Variants in APC2 observed in about 807,000 individuals in gnomAD.
APC2 encodes APC regulator of Wnt signaling pathway 2, also known as adenomatous polyposis coli protein 2.
APC2 carries 41 observed loss-of-function variants against 72.5 expected under a neutral mutation model. That is an observed-to-expected ratio of 0.57 (90% confidence interval 0.44 to 0.73). The LOEUF (loss-of-function observed/expected upper bound fraction) is 0.73. Among genes scored for constraint, APC2 ranks in the 30% least tolerant of loss-of-function variants. APC2 has a pLI of 0.00. For synonymous variants in APC2, 1,898 were observed against 1,612.0 expected (o/e 1.18, Z -4.25); for missense variants, 3,729 against 3,403.4 (o/e 1.10, Z -2.38).
Position 1,462,213 on chromosome 19 carries a change from T to C in APC2, c.1853+36T>C, listed in dbSNP as rs577586062. On this transcript the variant is annotated intron_variant, in intron 14 of 14. Transcript: ENST00000590469. Reference sequence around the variant, plus strand: ...ACCCCCCCACCCGCACACAGGCAGCTGCGCTCGGGGCGGGCACAGGGCTGG... The same window carrying C: ...ACCCCCCCACCCGCACACAGGCAGCCGCGCTCGGGGCGGGCACAGGGCTGG... 4.0e-5 allele frequency: 60 copies of C among 1,493,378 alleles called. No individual in the cohort carries two copies. The African/African-American group carries it at 8.2e-4, about 20-fold the overall frequency. 92.5% of individuals were successfully genotyped at this position (1,493,378 alleles called of 1,614,324 possible). A position where few individuals can be genotyped will look rare whatever the true frequency, so the allele number is the denominator to read the frequency against.
intron 3 of APC2, 24 bp from the exon 4 acceptor site, chr19:1,453,407 T>G (rs2083769934): frequency 6.2e-7 from 1 of 1,607,014 alleles, no homozygotes; most frequent in Non-Finnish European, 8.5e-7. Flanking sequence ...GCCGCTGACC[T>G]CCGCCCTGTC....
At position 1,468,724 on chromosome 19, in the gene APC2, C is replaced by G; in HGVS notation, c.5423C>G (p.Thr1808Ser). 2.0e-6 allele frequency: 3 copies of G among 1,504,430 alleles called. 1 individual carries two copies. The South Asian group carries it at 3.7e-5, about 19-fold the overall frequency. The allele number at this position is 1,504,430 out of a possible 1,614,324, so 93.2% of individuals were successfully genotyped here. The change falls in exon 15 of 15, where the codon ACC (threonine) becomes AGC (serine). Residue 1808 changes from threonine to serine, a missense_variant. Coordinates refer to ENST00000590469, the MANE Select transcript of APC2 (RefSeq NM_005883.3). The part of the protein sequence containing the change: ...SPAPRAQPKG[T>S]PGPRATPRKV... ...GCACCCCGTGCCCAGCCCAAAGGGA[C>G]CCCCGGCCCCCGCGCCACACCGCGG... is the stretch of plus-strand genomic sequence containing the variant.
chr19:1,446,517 C>T (rs2083688829), upstream of APC2, among the ~76,000 whole-genome samples: 1 of 151,996 alleles, frequency 6.6e-6, no homozygotes, highest in Non-Finnish European at 1.5e-5. This position sits in a 1 kb window ranked among gnomAD's most constrained non-coding sequence, Gnocchi z 6.1. Context: ...GGGAAACCGC[C>T]TCGGAAGGCT....
rs775563782 is a variant in APC2 at position 1,455,174 on chromosome 19, A to G, written c.439A>G (p.Lys147Glu). 1.5e-5 allele frequency: 24 copies of G among 1,576,412 alleles called. No individual in the cohort carries two copies. The highest frequency in any genetic ancestry group is 4.7e-5 in the East Asian group (2 of 42,528). Residue 147 changes from lysine (K) to glutamate (E), a missense_variant, in exon 5 of 15, where the codon AAG becomes GAG. Physicochemically the swap from Lys to Glu is moderately conservative, Grantham distance 56. Transcript: ENST00000590469. ...ERCFLLNEIEKEEKEKLWYYS... is the reference protein window; with the variant it reads ...ERCFLLNEIEEEEKEKLWYYS... Reference sequence around the variant, plus strand: ...GTGTTTCCTGCTGAATGAGATTGAGAAGGAGGAGAAGGAGAAGCTCTGGTA... The same window carrying G: ...GTGTTTCCTGCTGAATGAGATTGAGGAGGAGGAGAAGGAGAAGCTCTGGTA...
chr19:1,462,777 T>TG (rs2083948209), intron 14 of APC2, among the ~76,000 whole-genome samples: 1 of 140,706 alleles, frequency 7.1e-6, no homozygotes, highest in Non-Finnish European at 1.5e-5. Context: ...GAGACCATCC[T>TG]GCCTAACACG....
chr19:1,469,925 C>G lies in APC2; in HGVS notation c.6624C>G (p.Ser2208Arg). 6.6e-7 allele frequency: 1 copy of G among 1,518,668 alleles called. No individual in the cohort carries two copies. The highest frequency in any genetic ancestry group is 8.8e-7 in the Non-Finnish European group (1 of 1,139,560). 94.1% of individuals were successfully genotyped at this position (1,518,668 alleles called of 1,614,324 possible). Residue 2208 changes from serine to arginine, a missense_variant, in exon 15 of 15, where the codon AGC becomes AGG. Ser to Arg is a moderately radical substitution (Grantham distance 110). Coordinates refer to ENST00000590469, the MANE Select transcript of APC2 (RefSeq NM_005883.3). ...APKTNSSTSP[S>R]LETREPPGAP... Reference sequence around the variant, plus strand: ...AGACCAACTCCAGCACGTCCCCGAGCCTGGAGACCAGGGAGCCCCCCGGGG... The same window carrying G: ...AGACCAACTCCAGCACGTCCCCGAGGCTGGAGACCAGGGAGCCCCCCGGGG...
At chr19:1,455,115 C>T in intron 4 of APC2, 34 bp from the exon 5 acceptor site, 1 of 1,436,246 alleles carries the variant, frequency 7.0e-7, no homozygotes, top group Non-Finnish European at 9.4e-7. Context: ...ACGGCGCCGC[C>T]CTCTGAGCCC....
chr19:1,465,367 C>T lies in APC2; in HGVS notation c.2066C>T (p.Ala689Val), dbSNP rs2145229790. ...KHKMIAMGSA[A>V]ALRNLLAHRP... ...AAGATGATCGCCATGGGCAGCGCCG[C>T]CGCCCTGCGCAACCTGCTGGCCCAT... The change falls in exon 15 of 15, where the codon GCC (alanine) becomes GTC (valine). Residue 689 changes from alanine (A) to valine (V), a missense_variant. By Grantham distance (64) the Ala-to-Val change is moderately conservative (BLOSUM62 0). Coordinates refer to ENST00000590469, the MANE Select transcript of APC2 (RefSeq NM_005883.3). The T allele has an allele frequency of 2.5e-6, 4 of 1,582,816 alleles. No homozygotes were observed. In the East Asian group the frequency reaches 9.1e-5, roughly 36 times the overall value.
chr19:1,469,623 G>A lies in APC2; in HGVS notation c.6322G>A (p.Ala2108Thr), dbSNP rs1392431868. 3 of 1,229,590 alleles carry A rather than the reference G, an allele frequency of 2.4e-6. No homozygotes were observed. Among genetic ancestry groups the A allele is most frequent in the African/African-American group, 3.2e-5 (2 of 62,344 alleles). 76.2% of individuals were successfully genotyped at this position (1,229,590 alleles called of 1,614,324 possible). ...RYASLPHISV[A>T]RRPDGAVPAA... is the part of the protein sequence containing the mutation. ...CGCGTCGCTGCCGCACATCAGCGTG[G>A]CCCGCAGGCCCGACGGCGCCGTCCC... The change falls in exon 15 of 15, where the codon GCC becomes ACC. Residue 2108 changes from alanine (A) to threonine (T), a missense_variant. Coordinates refer to ENST00000590469, the MANE Select transcript of APC2 (RefSeq NM_005883.3).
At chr19:1,446,780 TGGGCGC>T (rs1383572094), upstream of APC2, among the ~76,000 whole-genome samples, 38 of 152,034 alleles carry the variant, frequency 2.5e-4, 1 homozygote, top group Non-Finnish European at 4.3e-4. The surrounding 1 kb of genome is among the most constrained non-coding windows in gnomAD (Gnocchi z 6.1). Context: ...TTTCCCCTTC[TGGGCGC>T]GAGCGTATGG....
chr19:1,468,816 C>A lies in APC2; in HGVS notation c.5515C>A (p.Arg1839=). 6.5e-7 allele frequency: 1 copy of A among 1,540,130 alleles called. No homozygotes were observed. The highest frequency in any genetic ancestry group is 8.7e-7 in the Non-Finnish European group (1 of 1,147,544). The part of the protein sequence containing the change: ...PAKVPSPGQQ[R]SRSLHRPAKT... ...CAAAGTCCCGAGCCCCGGGCAGCAG[C>A]GGTCGCGGAGCCTACACCGGCCTGC... Residue 1839 remains arginine, a synonymous_variant, in exon 15 of 15, where the codon CGG becomes AGG. Coordinates refer to ENST00000590469, the MANE Select transcript of APC2 (RefSeq NM_005883.3).
rs774719404 is a variant in APC2, at chr19:1,468,597, C to T, written c.5296C>T (p.Arg1766Cys). 3.4e-5 allele frequency: 55 copies of T among 1,600,420 alleles called. No individual in the cohort carries two copies. In the South Asian group the frequency reaches 6.0e-4, roughly 17 times the overall value. ...AASVKTSGSPRSPAGPEKPRG... is the reference protein window; with the variant it reads ...AASVKTSGSPCSPAGPEKPRG... ...CTCAGTCAAGACCAGCGGGAGCCCC[C>T]GTTCCCCTGCAGGCCCCGAGAAGCC... The change falls in exon 15 of 15, where the codon CGT (arginine) becomes TGT (cysteine). Residue 1766 changes from arginine to cysteine, a missense_variant. Arg to Cys is a radical substitution (Grantham distance 180). Transcript: ENST00000590469.
Position 1,469,481 on chromosome 19 carries a change from G to GC in APC2, c.6186dup (p.Ala2063ArgfsTer90). On this transcript the variant is annotated frameshift_variant, in exon 15 of 15. Coordinates refer to ENST00000590469, the MANE Select transcript of APC2 (RefSeq NM_005883.3). LOFTEE classifies it low-confidence loss of function (END_TRUNC). ...AGGGCCCGGCCCCGGCCCGGCAGCGGCCCCCCGCGGCCCGACCCAGCCCTG... is the reference window on the plus strand; with the variant it reads ...AGGGCCCGGCCCCGGCCCGGCAGCGGCCCCCCCGCGGCCCGACCCAGCCCTG... 6 of 1,101,876 alleles carry GC rather than the reference G, an allele frequency of 5.4e-6. No individual in the cohort carries two copies. The South Asian group carries it at 1.1e-4, about 20-fold the overall frequency. 68.3% of individuals were successfully genotyped at this position (1,101,876 alleles called of 1,614,324 possible).
rs751535159 is a variant in APC2, at chr19:1,457,984, G to A, written c.1227G>A (p.Pro409=). 2.4e-5 allele frequency: 37 copies of A among 1,558,112 alleles called. No individual in the cohort carries two copies. Among genetic ancestry groups the A allele is most frequent in the Non-Finnish European group, 2.9e-5 (33 of 1,151,642 alleles). Residue 409 remains proline, a synonymous_variant, in exon 10 of 15, where the codon CCG becomes CCA. Transcript: ENST00000590469. ...CCACAGCCCCGATCCCCATCGAGCCGCAGATCTGCCAGGCCACCTGTGCTG... is the reference window on the plus strand; with the variant it reads ...CCACAGCCCCGATCCCCATCGAGCCACAGATCTGCCAGGCCACCTGTGCTG... ...GAGSAPIPIE[P]QICQATCAVM...
intron 10 of APC2, among the ~76,000 whole-genome samples, chr19:1,459,463 A>G (rs1568172153): frequency 6.6e-6 from 1 of 152,148 alleles, no homozygotes; most frequent in African/African-American, 2.4e-5. Context: ...TGGATGCTCT[A>G]GCTGCCCCCC....
chr19:1,462,064 C>T lies in APC2; in HGVS notation c.1740C>T (p.Phe580=). ...GCCAGGTGGATGGCGCCCTGGGCTT[C>T]CTGGTGAGCACCCTGACCTACAAGT... is the stretch of plus-strand genomic sequence containing the variant. The part of the protein sequence containing the change: ...AICQVDGALG[F]LVSTLTYKCQ... Residue 580 remains phenylalanine (F), a synonymous_variant, in exon 14 of 15, where the codon TTC becomes TTT. Transcript: ENST00000590469. The T allele has an allele frequency of 6.2e-7, 1 of 1,613,116 alleles. No homozygotes were observed. Among genetic ancestry groups the T allele is most frequent in the Non-Finnish European group, 8.5e-7 (1 of 1,180,014 alleles).
rs1297811175 is a variant in APC2, at chr19:1,467,016, C to T, written c.3715C>T (p.Arg1239Cys). 1 of 1,610,628 alleles carries T rather than the reference C, an allele frequency of 6.2e-7. No homozygotes were observed. The highest frequency in any genetic ancestry group is 2.2e-5 in the East Asian group (1 of 44,804). Reference sequence around the variant, plus strand: ...CCTGCAGTGGGAGAGCTACGTGAAGCGCTTCCTGGACATCGCCGACTGCCG... The same window carrying T: ...CCTGCAGTGGGAGAGCTACGTGAAGTGCTTCCTGGACATCGCCGACTGCCG... ...FSLQWESYVK[R>C]FLDIADCRER... Residue 1239 changes from arginine to cysteine, a missense_variant, in exon 15 of 15, where the codon CGC (arginine) becomes TGC (cysteine). Physicochemically the swap from Arg to Cys is radical, Grantham distance 180. Coordinates refer to ENST00000590469, the MANE Select transcript of APC2 (RefSeq NM_005883.3).
intron 10 of APC2, chr19:1,458,383 C>A: frequency 2.8e-6 from 1 of 356,108 alleles, no homozygotes; most frequent in Non-Finnish European, 5.2e-6. Context: ...AGAATTGGAA[C>A]TGTAGGGGGT....
intron 13 of APC2, chr19:1,461,539 C>A: frequency 2.9e-6 from 1 of 339,764 alleles, no homozygotes. Flanking sequence ...GGCCACAGAG[C>A]AAGACTGCGT....
Sources: allele counts gnomAD v4.1 joint callset (sites outside exome capture counted in the v4.1 genomes callset), GRCh38; gene constraint gnomAD v4.1.1; non-coding constraint Gnocchi (gnomAD v3.1); transcripts MANE v1.5; gene names NCBI Gene and HGNC (gene_info 2026-07-23, HGNC 2026-07-21).